MFSD6: variants seen among roughly 807,000 people sequenced by gnomAD.
The protein encoded by MFSD6 is major facilitator superfamily domain containing 6.
MFSD6 carries 26 observed loss-of-function variants against 56.3 expected under a neutral mutation model. The ratio of observed to expected loss-of-function variants is 0.46; its 90% CI spans 0.34 to 0.64. MFSD6 has a LOEUF of 0.64. Ranked by LOEUF, MFSD6 falls within the 30% of genes least tolerant of loss-of-function variation. The probability of loss-of-function intolerance (pLI) is 0.01; values close to 1 mark genes in which losing one functional copy is unlikely to be tolerated. For missense variants in MFSD6, 750 were observed against 986.2 expected, an observed-to-expected ratio of 0.76 and a Z score of 3.21; for synonymous variants, 331 against 366.9, an observed-to-expected ratio of 0.90 and a Z score of 1.12.
rs974562178 is a variant in MFSD6 at position 190,413,493 on chromosome 2, CTG to C, written c.-175-1798_-175-1797del. 1.3e-5 allele frequency among the ~76,000 whole-genome samples: 2 copies of C among 152,164 alleles called. No individual in the cohort carries two copies. The highest frequency in any genetic ancestry group is 4.8e-5 in the African/African-American group (2 of 41,428). On this transcript the variant is annotated intron_variant, in intron 1 of 7. Transcript: ENST00000392328. The surrounding 1 kb of genome is among the most constrained non-coding windows in gnomAD (Gnocchi z 4.1). ...CAGGAAAGGCCAGCTCTGAATGACT[CTG>C]AGGAAATGTTTGGAAGCATTTTGAT...
At position 190,490,232 on chromosome 2, in the gene MFSD6, G is replaced by A. The variant is rs1559141718; in HGVS notation, c.1891+366G>A. On this transcript the variant is annotated intron_variant, in intron 6 of 7. Coordinates refer to ENST00000392328, the MANE Select transcript of MFSD6 (RefSeq NM_017694.4). The surrounding 1 kb of genome is among the most constrained non-coding windows in gnomAD (Gnocchi z 4.5). ...TGCTACTAGGGATAGGGAGTGAGTGGTAATCTTCTCTATGACTTACCTTCA... is the reference window on the plus strand; with the variant it reads ...TGCTACTAGGGATAGGGAGTGAGTGATAATCTTCTCTATGACTTACCTTCA... Among the ~76,000 whole-genome samples, 1 of 151,340 alleles carries A rather than the reference G, an allele frequency of 6.6e-6. No homozygotes were observed.
chr2:190,484,084 A>G (rs1688870297), intron 4 of MFSD6, among the ~76,000 whole-genome samples: 1 of 152,104 alleles, frequency 6.6e-6, no homozygotes, highest in Non-Finnish European at 1.5e-5. Flanking sequence ...TTCTCAATCA[A>G]TATATTTAAG....
Position 190,431,487 on chromosome 2 carries a change from G to A in MFSD6, c.-53-4490G>A, listed in dbSNP as rs905255176. 2.2e-4 allele frequency among the ~76,000 whole-genome samples: 34 copies of A among 152,324 alleles called. No individual in the cohort carries two copies. The highest frequency in any genetic ancestry group is 1.5e-3 in the Admixed American group (23 of 15,302). On this transcript the variant is annotated intron_variant, in intron 2 of 7. Transcript: ENST00000392328. This position sits in a 1 kb window ranked among gnomAD's most constrained non-coding sequence, Gnocchi z 4.4. ...GGAGGCCGAGGCTGGCGGATCACTC[G>A]CGATTAGGAGCTGGAGACTAGCCCG...
intron 3 of MFSD6, among the ~76,000 whole-genome samples, chr2:190,460,356 C>A (rs1194264332): frequency 1.3e-5 from 2 of 152,020 alleles, no homozygotes; most frequent in African/African-American, 4.8e-5. Flanking sequence ...TTTCACATAC[C>A]CATCACTTAT....
chr2:190,435,864 C>A, intron 2 of MFSD6, 113 bp from the exon 3 acceptor site: 1 of 923,144 alleles, frequency 1.1e-6, no homozygotes, highest in Non-Finnish European at 1.6e-6. Context: ...TGAGAATTCT[C>A]TCTTGCAATT....
chr2:190,473,474 A>G (rs1688078415), intron 4 of MFSD6, among the ~76,000 whole-genome samples: 1 of 152,234 alleles, frequency 6.6e-6, no homozygotes, highest in South Asian at 2.1e-4. Flanking sequence ...AGAGACAAAG[A>G]AGGCCATTAC....
Position 190,496,638 on chromosome 2 carries a change from ATATATATG to A in MFSD6, c.1892-795_1892-788del, listed in dbSNP as rs1263406276. On this transcript the variant is annotated intron_variant, in intron 6 of 7. Transcript: ENST00000392328. The surrounding 1 kb of genome is among the most constrained non-coding windows in gnomAD (Gnocchi z 4.7). ...TGTGTGTATGTATGTATATGTGTGTATATATATGTATATGTGTATATGTGTGTGTATGT... is the reference window on the plus strand; with the variant it reads ...TGTGTGTATGTATGTATATGTGTGTATATATGTGTATATGTGTGTGTATGT... Among the ~76,000 whole-genome samples the A allele has an allele frequency of 2.6e-5, 4 of 152,188 alleles. No individual in the cohort carries two copies. The South Asian group carries it at 6.2e-4, about 24-fold the overall frequency.
In MFSD6 at chr2:190,489,826, T is replaced by G. The variant is rs1689228743; in HGVS notation, c.1851T>G (p.Phe617Leu). 6.2e-7 allele frequency: 1 copy of G among 1,614,116 alleles called. No individual in the cohort carries two copies. Among genetic ancestry groups the G allele is most frequent in the Admixed American group, 1.7e-5 (1 of 60,010 alleles). The stretch of plus-strand genomic sequence containing the variant: ...CCTGCTTGGTGATCCTACTGCTCTT[T>G]GCCCTGATCCAGTGGCTGGCAGTGC... ...GMACLVILLLFALIQWLAVPD... is the reference protein window; with the variant it reads ...GMACLVILLLLALIQWLAVPD... Residue 617 changes from phenylalanine to leucine, a missense_variant, in exon 6 of 8, where the codon TTT (phenylalanine) becomes TTG (leucine). By Grantham distance (22) the Phe-to-Leu change is conservative. Transcript: ENST00000392328. The surrounding 1 kb of genome is among the most constrained non-coding windows in gnomAD (Gnocchi z 6.6).
rs1181750765 is a variant in MFSD6, at chr2:190,443,178, T to G, written c.1532+5617T>G. On this transcript the variant is annotated intron_variant, in intron 3 of 7. Coordinates refer to ENST00000392328, the MANE Select transcript of MFSD6 (RefSeq NM_017694.4). The surrounding 1 kb of genome is among the most constrained non-coding windows in gnomAD (Gnocchi z 4.2). ...GGTGTTCCTAGGTGGGCCTAAGACA[T>G]AAGCAAGGGAGAAAAAAAATAAAAG... Among the ~76,000 whole-genome samples, 1 of 152,014 alleles carries G rather than the reference T, an allele frequency of 6.6e-6. No individual in the cohort carries two copies. Among genetic ancestry groups the G allele is most frequent in the Non-Finnish European group, 1.5e-5 (1 of 67,996 alleles).
rs140614312 is a variant in MFSD6, at chr2:190,414,640, A to G, written c.-175-652A>G. Among the ~76,000 whole-genome samples the G allele has an allele frequency of 4.6e-5, 7 of 152,196 alleles. No homozygotes were observed. The East Asian group carries it at 1.4e-3, about 29-fold the overall frequency. On this transcript the variant is annotated intron_variant, in intron 1 of 7. Coordinates refer to ENST00000392328, the MANE Select transcript of MFSD6 (RefSeq NM_017694.4). ...TGAATGATCAGACCTCAATTTAATA[A>G]CTCTATAATTTTTCAGGAACTCCGG...
Position 190,464,122 on chromosome 2 carries a change from G to A in MFSD6, c.1533-5636G>A, listed in dbSNP as rs375918408. On this transcript the variant is annotated intron_variant, in intron 3 of 7. Transcript: ENST00000392328. The stretch of plus-strand genomic sequence containing the variant: ...TCTTCATCTCCCACCCTGGCCTCGA[G>A]CAACCTTGTATGCATTGGTGTGCGT... Among the ~76,000 whole-genome samples, 21 of 152,276 alleles carry A rather than the reference G, an allele frequency of 1.4e-4. No homozygotes were observed. The East Asian group carries it at 3.1e-3, about 22-fold the overall frequency.
chr2:190,489,012 C>T lies in MFSD6; in HGVS notation c.1792+194C>T, dbSNP rs565864331. On this transcript the variant is annotated intron_variant, in intron 5 of 7. Transcript: ENST00000392328. The surrounding 1 kb of genome is among the most constrained non-coding windows in gnomAD (Gnocchi z 6.6). Reference sequence around the variant, plus strand: ...CTTACGTTGTTAAGCTGATCTGAGCCAGCCTGTAACTGTGCACACTCCTCT... The same window carrying T: ...CTTACGTTGTTAAGCTGATCTGAGCTAGCCTGTAACTGTGCACACTCCTCT... Among the ~76,000 whole-genome samples, 1 of 152,238 alleles carries T rather than the reference C, an allele frequency of 6.6e-6. No individual in the cohort carries two copies. The highest frequency in any genetic ancestry group is 1.5e-5 in the Non-Finnish European group (1 of 68,018).
chr2:190,482,458 G>A (rs4438514), intron 4 of MFSD6, among the ~76,000 whole-genome samples: 52,702 of 151,054 alleles, frequency 0.35, 9,456 homozygotes, highest in East Asian at 0.46. Flanking sequence ...CTATTCATGG[G>A]AAAGGTTTGT....
In MFSD6 at chr2:190,454,802, C is replaced by T. The variant is rs1467703255; in HGVS notation, c.1533-14956C>T. ...GAGGCAGGTATAGAGGGATGGGATC[C>T]CCAAAGATTCTAAGAGTCAGAAGAC... On this transcript the variant is annotated intron_variant, in intron 3 of 7. Coordinates refer to ENST00000392328, the MANE Select transcript of MFSD6 (RefSeq NM_017694.4). This position sits in a 1 kb window ranked among gnomAD's most constrained non-coding sequence, Gnocchi z 4.6. Among the ~76,000 whole-genome samples, 2 of 152,000 alleles carry T rather than the reference C, an allele frequency of 1.3e-5. No homozygotes were observed. Among genetic ancestry groups the T allele is most frequent in the Non-Finnish European group, 2.9e-5 (2 of 68,004 alleles).
At position 190,490,883 on chromosome 2, in the gene MFSD6, T is replaced by A. The variant is rs1689306888; in HGVS notation, c.1891+1017T>A. The stretch of plus-strand genomic sequence containing the variant: ...TTGTTACAGAAGCCTCAGAGACAGA[T>A]TTTAATCTCAATGAGTTACTCAGAA... On this transcript the variant is annotated intron_variant, in intron 6 of 7. Coordinates refer to ENST00000392328, the MANE Select transcript of MFSD6 (RefSeq NM_017694.4). This position sits in a 1 kb window ranked among gnomAD's most constrained non-coding sequence, Gnocchi z 4.5. Among the ~76,000 whole-genome samples, 1 of 152,218 alleles carries A rather than the reference T, an allele frequency of 6.6e-6. No individual in the cohort carries two copies. Among genetic ancestry groups the A allele is most frequent in the Non-Finnish European group, 1.5e-5 (1 of 68,046 alleles).
At chr2:190,473,246 T>C (rs549333303) in intron 4 of MFSD6, among the ~76,000 whole-genome samples, 1 of 152,258 alleles carries the variant, frequency 6.6e-6, no homozygotes, top group South Asian at 2.1e-4. Context: ...ATATTAACCT[T>C]AAATATAAAT....
chr2:190,455,744 G>T (rs1235379354), intron 3 of MFSD6, among the ~76,000 whole-genome samples: 1 of 151,780 alleles, frequency 6.6e-6, no homozygotes, highest in Non-Finnish European at 1.5e-5. Flanking sequence ...CTCAGAGATT[G>T]CTGGAACTGA....
At position 190,475,909 on chromosome 2, in the gene MFSD6, A is replaced by G. The variant is rs1053791680; in HGVS notation, c.1630+6054A>G. Among the ~76,000 whole-genome samples the G allele has an allele frequency of 8.4e-3, 1,277 of 152,266 alleles. 37 individuals are homozygous for G. Among genetic ancestry groups the G allele is most frequent in the Admixed American group, 0.042 (645 of 15,296 alleles). On this transcript the variant is annotated intron_variant, in intron 4 of 7. Coordinates refer to ENST00000392328, the MANE Select transcript of MFSD6 (RefSeq NM_017694.4). ...ACAGAGCCCTCAGAAATAATGCCAC[A>G]TATCTACAACTATCTGATCTTTGAC...
chr2:190,427,558 T>C (rs187045467), intron 2 of MFSD6, among the ~76,000 whole-genome samples: 3 of 152,342 alleles, frequency 2.0e-5, no homozygotes, highest in Admixed American at 6.5e-5. Context: ...CTCATACTTG[T>C]GTTGTTCCTT....
Sources: gnomAD v4.1 joint callset for allele counts (sites outside exome capture counted in the v4.1 genomes callset) on GRCh38, gnomAD v4.1.1 for gene constraint, Gnocchi (gnomAD v3.1) non-coding constraint, MANE v1.5 for transcripts, NCBI Gene and HGNC (gene_info 2026-07-23, HGNC 2026-07-21) for gene names.